CLSTN2: variants seen among roughly 807,000 people sequenced by gnomAD.
CLSTN2 encodes the protein calsyntenin-2.
A neutral mutation model predicts 101.2 loss-of-function variants in CLSTN2; 48 were observed. The observed-to-expected ratio is 0.47, with a 90% CI of 0.38 to 0.60. The LOEUF (loss-of-function observed/expected upper bound fraction) is 0.60, where lower values mean the gene tolerates loss of function less well. Among genes scored for constraint, CLSTN2 ranks in the 20% least tolerant of loss-of-function variants. The pLI is 0.00. For synonymous variants in CLSTN2, 481 were observed against 463.6 expected (o/e 1.04, Z -0.48); for missense variants, 1,160 against 1,238.2 (o/e 0.94, Z 0.95).
chr3:140,267,378 C>G (rs749271457), intron 2 of CLSTN2, among the ~76,000 whole-genome samples: 47 of 152,164 alleles, frequency 3.1e-4, no homozygotes, highest in Non-Finnish European at 2.1e-4. Flanking sequence ...ATGCCTCTGT[C>G]CTAGTCTAAC....
intron 2 of CLSTN2, among the ~76,000 whole-genome samples, chr3:140,253,150 G>T (rs1313639112): frequency 6.6e-6 from 1 of 152,204 alleles, no homozygotes; most frequent in Non-Finnish European, 1.5e-5. Context: ...CTAAGGTCAA[G>T]GCAGAGGGAT....
At chr3:140,310,310 G>A (rs1385207395) in intron 2 of CLSTN2, among the ~76,000 whole-genome samples, 2 of 151,916 alleles carry the variant, frequency 1.3e-5, no homozygotes, top group Non-Finnish European at 2.9e-5. Flanking sequence ...AGTTTGGCTG[G>A]CCCCACCCAT....
At chr3:140,539,989 A>G (rs1056450257) in intron 9 of CLSTN2, among the ~76,000 whole-genome samples, 1 of 152,168 alleles carries the variant, frequency 6.6e-6, no homozygotes, top group Non-Finnish European at 1.5e-5. Flanking sequence ...CCCATCAGAC[A>G]TCATGTTTAG....
chr3:140,436,320 G>A (rs2088687004), intron 5 of CLSTN2, among the ~76,000 whole-genome samples: 1 of 152,184 alleles, frequency 6.6e-6, no homozygotes, highest in South Asian at 2.1e-4. Flanking sequence ...AGTTTTCCCA[G>A]CACCACTTAA....
At chr3:140,407,715 A>G (rs1228987351) in intron 4 of CLSTN2, among the ~76,000 whole-genome samples, 1 of 152,192 alleles carries the variant, frequency 6.6e-6, no homozygotes, top group African/African-American at 2.4e-5. Flanking sequence ...TTCTGGATCT[A>G]TTTGAGATGG....
intron 1 of CLSTN2, among the ~76,000 whole-genome samples, chr3:140,032,716 C>T (rs1433407064): frequency 6.6e-6 from 1 of 152,238 alleles, no homozygotes; most frequent in Non-Finnish European, 1.5e-5. Flanking sequence ...ATATGGGCAT[C>T]AGGCATGGGG....
chr3:140,130,401 G>C (rs2009504653), intron 1 of CLSTN2, among the ~76,000 whole-genome samples: 1 of 152,174 alleles, frequency 6.6e-6, no homozygotes, highest in Non-Finnish European at 1.5e-5. Flanking sequence ...CCTCAGAGCA[G>C]GTACTAAATG....
chr3:140,354,446 GT>G (rs2087642939), intron 2 of CLSTN2, among the ~76,000 whole-genome samples: 1 of 152,072 alleles, frequency 6.6e-6, no homozygotes, highest in African/African-American at 2.4e-5. Context: ...TGACAACCAC[GT>G]ATGCTTTATT....
rs546696189 is a variant in CLSTN2, at chr3:140,385,357, C to CTTT, written c.233-18247_233-18245dup. Among the ~76,000 whole-genome samples, 352 of 72,834 alleles carry CTTT rather than the reference C, an allele frequency of 4.8e-3. 39 individuals are homozygous for CTTT. Among genetic ancestry groups the CTTT allele is most frequent in the African/African-American group, 0.021 (327 of 15,356 alleles). The allele number at this position is 72,834 out of a possible 152,430, so 47.8% of individuals were successfully genotyped here. On this transcript the variant is annotated intron_variant, in intron 2 of 16. Transcript: ENST00000458420. ...CATTGCCAGTTGGGTCCCTGATGTT[C>CTTT]TTTTTTTTTTTTTTTTTTTTTTTTT...
chr3:140,384,189 A>G (rs1023052968), intron 2 of CLSTN2, among the ~76,000 whole-genome samples: 3 of 152,202 alleles, frequency 2.0e-5, no homozygotes, highest in Admixed American at 1.3e-4. Flanking sequence ...ACTGGAGTGC[A>G]TGTCCCCGAA....
chr3:139,935,213 G>T lies in CLSTN2; in HGVS notation c.-162G>T. On this transcript the variant is annotated 5_prime_UTR_variant, in exon 1 of 17. Coordinates refer to ENST00000458420, the MANE Select transcript of CLSTN2 (RefSeq NM_022131.3). This position sits in a 1 kb window ranked among gnomAD's most constrained non-coding sequence, Gnocchi z 5.5. ...GAGCGCGGCTGCTGCCGGCGAGCTA[G>T]CGGCGCAGCGGCGGGAACCCGAGGC... is the stretch of plus-strand genomic sequence containing the variant. 1 of 344,588 alleles carries T rather than the reference G, an allele frequency of 2.9e-6. No homozygotes were observed. Among genetic ancestry groups the T allele is most frequent in the Admixed American group, 4.9e-5 (1 of 20,600 alleles). 21.3% of individuals were successfully genotyped at this position (344,588 alleles called of 1,614,324 possible). A position where few individuals can be genotyped will look rare whatever the true frequency, so the allele number is the denominator to read the frequency against.
intron 1 of CLSTN2, among the ~76,000 whole-genome samples, chr3:140,146,047 GA>G (rs1238324351): frequency 6.6e-6 from 1 of 152,304 alleles, no homozygotes; most frequent in East Asian, 1.9e-4. Flanking sequence ...AAGACTCCGG[GA>G]AAACCTTTCC....
chr3:140,547,449 G>A (rs966879487), intron 10 of CLSTN2, among the ~76,000 whole-genome samples: 1 of 151,916 alleles, frequency 6.6e-6, no homozygotes, highest in Non-Finnish European at 1.5e-5. Context: ...ACTCCAGCCT[G>A]GGCAGCAGAG....
chr3:140,092,650 G>A lies in CLSTN2; in HGVS notation c.110-83301G>A, dbSNP rs2008798464. Among the ~76,000 whole-genome samples the A allele has an allele frequency of 2.0e-5, 3 of 152,200 alleles. No individual in the cohort carries two copies. The South Asian group carries it at 6.2e-4, about 31-fold the overall frequency. ...AGGTGAAGTCACTTTGCAGAGAGCA[G>A]TAGGCTGGAAGTCAGAAGACCTCTG... On this transcript the variant is annotated intron_variant, in intron 1 of 16. Coordinates refer to ENST00000458420, the MANE Select transcript of CLSTN2 (RefSeq NM_022131.3).
intron 1 of CLSTN2, among the ~76,000 whole-genome samples, chr3:140,113,426 C>A (rs2009187625): frequency 1.3e-5 from 2 of 152,184 alleles, no homozygotes; most frequent in African/African-American, 4.8e-5. Context: ...GGAACTGCTT[C>A]CAAGTAATCT....
At chr3:139,963,267 T>C (rs1935541501) in intron 1 of CLSTN2, among the ~76,000 whole-genome samples, 1 of 152,158 alleles carries the variant, frequency 6.6e-6, no homozygotes, top group Non-Finnish European at 1.5e-5. Flanking sequence ...TCCCTGTTTT[T>C]CTTGGAAGAG....
At chr3:140,554,190 C>T (rs996234072) in intron 10 of CLSTN2, among the ~76,000 whole-genome samples, 1 of 152,058 alleles carries the variant, frequency 6.6e-6, no homozygotes, top group Non-Finnish European at 1.5e-5. Context: ...GAGTAGGTAC[C>T]AATGAAGTAC....
At chr3:140,033,293 GC>G (rs779448072) in intron 1 of CLSTN2, among the ~76,000 whole-genome samples, 1 of 152,022 alleles carries the variant, frequency 6.6e-6, no homozygotes, top group South Asian at 2.1e-4. Context: ...TAGTTTCTGT[GC>G]CCCCCCAAAC....
chr3:140,455,734 C>T (rs543783468), intron 6 of CLSTN2, among the ~76,000 whole-genome samples: 1 of 152,310 alleles, frequency 6.6e-6, no homozygotes, highest in South Asian at 2.1e-4. Context: ...TTACCCACTG[C>T]CTTCCCAAGG....
Sources: allele counts gnomAD v4.1 joint callset (sites outside exome capture counted in the v4.1 genomes callset), GRCh38; gene constraint gnomAD v4.1.1; non-coding constraint Gnocchi (gnomAD v3.1); transcripts MANE v1.5; gene names NCBI Gene and HGNC (gene_info 2026-07-23, HGNC 2026-07-21).